Variants in ACOX2 observed in about 807,000 individuals in gnomAD.
ACOX2 encodes peroxisomal acyl-coenzyme A oxidase 2.
In ACOX2, 59 loss-of-function variants were observed where a neutral mutation model predicts 77.5. The ratio of observed to expected loss-of-function variants is 0.76; its 90% CI spans 0.62 to 0.95. The LOEUF is 0.95. ACOX2 is among the 40% of genes least tolerant of loss of function. The pLI is 0.00. For synonymous variants in ACOX2, 317 were observed against 340.1 expected (o/e 0.93, Z 0.75); for missense variants, 837 against 880.4 (o/e 0.95, Z 0.62).
At chr3:58,508,872 T>C in intron 14 of ACOX2, 21 bp downstream of exon 14, 1 of 1,612,894 alleles carries the variant, frequency 6.2e-7, no homozygotes, top group African/African-American at 1.3e-5. Flanking sequence ...ACATAATTTA[T>C]AATGTGTTCC....
In ACOX2 at chr3:58,528,883, C is replaced by T; in HGVS notation, c.1066G>A (p.Ala356Thr). The T allele has an allele frequency of 6.2e-7, 1 of 1,613,752 alleles. No homozygotes were observed. The highest frequency in any genetic ancestry group is 1.7e-5 in the Admixed American group (1 of 59,960). Residue 356 changes from alanine (A) to threonine (T), a missense_variant, in exon 9 of 15, where the codon GCC (alanine) becomes ACC (threonine). By Grantham distance (58) the Ala-to-Thr change is moderately conservative (BLOSUM62 0). Transcript: ENST00000302819. The surrounding 1 kb of genome is among the most constrained non-coding windows in gnomAD (Gnocchi z 5.6). ...AGGCTGACTGCCAGGAAATGGAAGG[C>T]ATAACTGATGGCCAGCTGAGGAAAG... ...KLFPQLAISY[A>T]FHFLAVSLLE...
intron 12 of ACOX2, 59 bp from the exon 13 acceptor site, chr3:58,517,482 C>G: frequency 2.6e-6 from 4 of 1,532,522 alleles, no homozygotes; most frequent in Non-Finnish European, 2.7e-6. Context: ...AGAAGTCACC[C>G]TGGAAGCATG....
At chr3:58,506,782 ACT>A (rs1299718808) in intron 14 of ACOX2, among the ~76,000 whole-genome samples, 2 of 152,140 alleles carry the variant, frequency 1.3e-5, no homozygotes, top group African/African-American at 2.4e-5. Flanking sequence ...ACAGAGCGAG[ACT>A]CTGTCTCAAA....
chr3:58,518,597 G>A (rs2063338488), intron 12 of ACOX2, among the ~76,000 whole-genome samples: 1 of 152,150 alleles, frequency 6.6e-6, no homozygotes, highest in African/African-American at 2.4e-5. Context: ...GTTCTATAAG[G>A]GAGAGCAAGG....
rs113539352 is a variant in ACOX2, at chr3:58,531,127, C to T, written c.819+124G>A. On this transcript the variant is annotated intron_variant, in intron 7 of 14. Transcript: ENST00000302819. The surrounding 1 kb of genome is among the most constrained non-coding windows in gnomAD (Gnocchi z 5.8). Reference sequence around the variant, plus strand: ...ACCCCAATCTGTGGGATATCAGAGCCTCTCTTGGGGGAGGAGGTTATGTGG... The same window carrying T: ...ACCCCAATCTGTGGGATATCAGAGCTTCTCTTGGGGGAGGAGGTTATGTGG... 7.6e-6 allele frequency: 6 copies of T among 788,474 alleles called. No homozygotes were observed. In the East Asian group the frequency reaches 1.6e-4, roughly 21 times the overall value. 48.8% of individuals were successfully genotyped at this position (788,474 alleles called of 1,614,324 possible). A position where few individuals can be genotyped will look rare whatever the true frequency, so the allele number is the denominator to read the frequency against.
chr3:58,516,579 T>C (rs2063323217), intron 13 of ACOX2, among the ~76,000 whole-genome samples: 1 of 152,248 alleles, frequency 6.6e-6, no homozygotes, highest in Non-Finnish European at 1.5e-5. Flanking sequence ...GGTTCACACC[T>C]GTAATCCCAG....
In ACOX2 at chr3:58,531,687, G is replaced by T; in HGVS notation, c.703+6C>A. The T allele has an allele frequency of 6.2e-7, 1 of 1,613,646 alleles. No homozygotes were observed. Among genetic ancestry groups the T allele is most frequent in the Non-Finnish European group, 8.5e-7 (1 of 1,179,750 alleles). On this transcript the variant is annotated splice_donor_region_variant and intron_variant, in intron 6 of 14. Transcript: ENST00000302819. The surrounding 1 kb of genome is among the most constrained non-coding windows in gnomAD (Gnocchi z 5.8). ...AGGGTTCCTTGAGGGAGCATTATGG[G>T]CTTACCTGGCAGTGGGGTGTGGTCC...
Position 58,512,064 on chromosome 3 carries a change from C to T in ACOX2, c.1851-3039G>A, listed in dbSNP as rs1445002233. On this transcript the variant is annotated intron_variant, in intron 13 of 14. Coordinates refer to ENST00000302819, the MANE Select transcript of ACOX2 (RefSeq NM_003500.4). This position sits in a 1 kb window ranked among gnomAD's most constrained non-coding sequence, Gnocchi z 4.8. ...TCCAAACTTATCCCTCCAGTGTCCC[C>T]TGCTTACCAACATCTGTACTTGGAT... is the stretch of plus-strand genomic sequence containing the variant. Among the ~76,000 whole-genome samples, 1 of 152,178 alleles carries T rather than the reference C, an allele frequency of 6.6e-6. No individual in the cohort carries two copies. Among genetic ancestry groups the T allele is most frequent in the African/African-American group, 2.4e-5 (1 of 41,428 alleles).
Position 58,524,695 on chromosome 3 carries a change from C to G in ACOX2, c.1347-90G>C. 7.2e-7 allele frequency: 1 copy of G among 1,396,832 alleles called. No homozygotes were observed. The highest frequency in any genetic ancestry group is 1.3e-5 in the South Asian group (1 of 75,682). 86.5% of individuals were successfully genotyped at this position (1,396,832 alleles called of 1,614,324 possible). ...ACTCCCAGAGACAGGCAAGCTCATG[C>G]TAGGTTCCAGCCTTCCCGTGGGAGA... On this transcript the variant is annotated intron_variant, in intron 10 of 14. Coordinates refer to ENST00000302819, the MANE Select transcript of ACOX2 (RefSeq NM_003500.4). This position sits in a 1 kb window ranked among gnomAD's most constrained non-coding sequence, Gnocchi z 5.5.
chr3:58,507,073 C>T (rs115080910), intron 14 of ACOX2, among the ~76,000 whole-genome samples: 16 of 152,334 alleles, frequency 1.1e-4, no homozygotes, highest in African/African-American at 3.8e-4. Context: ...TGTAACTTCA[C>T]ATTCCCAAAT....
intron 13 of ACOX2, chr3:58,511,245 G>C (rs552149966): frequency 3.1e-6 from 1 of 320,538 alleles, no homozygotes; most frequent in Non-Finnish European, 6.1e-6. Flanking sequence ...TTCCCCTCAG[G>C]GGTAAAAAGT....
Position 58,505,800 on chromosome 3 carries a change from G to T in ACOX2, c.1984-514C>A, listed in dbSNP as rs1250387106. Among the ~76,000 whole-genome samples, 1 of 150,374 alleles carries T rather than the reference G, an allele frequency of 6.7e-6. No individual in the cohort carries two copies. The highest frequency in any genetic ancestry group is 1.5e-5 in the Non-Finnish European group (1 of 67,606). ...CTCCTCGAACACTGGGCTTTTGACT[G>T]TTTTTTTTTGGAGACAGTATTGCTC... On this transcript the variant is annotated intron_variant, in intron 14 of 14. Transcript: ENST00000302819. The surrounding 1 kb of genome is among the most constrained non-coding windows in gnomAD (Gnocchi z 4.4).
intron 14 of ACOX2, among the ~76,000 whole-genome samples, chr3:58,506,637 A>G (rs1407195699): frequency 6.6e-6 from 1 of 152,100 alleles, no homozygotes; most frequent in East Asian, 1.9e-4. Flanking sequence ...TACTAATACA[A>G]AATACAAAAA....
chr3:58,531,884 C>T lies in ACOX2; in HGVS notation c.584-72G>A. The stretch of plus-strand genomic sequence containing the variant: ...TGCTTTTCCCAACCAACCCAGCCTC[C>T]TGGGGCTGGGGTTTTGGATGGGTAC... On this transcript the variant is annotated intron_variant, in intron 5 of 14. Coordinates refer to ENST00000302819, the MANE Select transcript of ACOX2 (RefSeq NM_003500.4). The surrounding 1 kb of genome is among the most constrained non-coding windows in gnomAD (Gnocchi z 5.8). The T allele has an allele frequency of 6.6e-7, 1 of 1,512,696 alleles. No individual in the cohort carries two copies. The highest frequency in any genetic ancestry group is 2.2e-5 in the Admixed American group (1 of 46,206). The allele number at this position is 1,512,696 out of a possible 1,614,324, so 93.7% of individuals were successfully genotyped here.
chr3:58,506,899 A>G (rs1057001522), intron 14 of ACOX2, among the ~76,000 whole-genome samples: 1 of 152,236 alleles, frequency 6.6e-6, no homozygotes, highest in Non-Finnish European at 1.5e-5. Context: ...ATAGCATTAT[A>G]TCTTAAGAGT....
rs115759336 is a variant in ACOX2 at position 58,512,863 on chromosome 3, C to T, written c.1851-3838G>A. 2.1e-3 allele frequency among the ~76,000 whole-genome samples: 315 copies of T among 152,288 alleles called. 1 individual carries two copies. The highest frequency in any genetic ancestry group is 7.2e-3 in the African/African-American group (298 of 41,562). On this transcript the variant is annotated intron_variant, in intron 13 of 14. Transcript: ENST00000302819. This position sits in a 1 kb window ranked among gnomAD's most constrained non-coding sequence, Gnocchi z 4.8. Reference sequence around the variant, plus strand: ...AACATGCTTTGCAGGTGTGACTGTACGAGCAATAGGCTATACCATTTAGGC... The same window carrying T: ...AACATGCTTTGCAGGTGTGACTGTATGAGCAATAGGCTATACCATTTAGGC...
rs550423773 is a variant in ACOX2, at chr3:58,515,885, C to G, written c.1850+1321G>C. On this transcript the variant is annotated intron_variant, in intron 13 of 14. Transcript: ENST00000302819. The surrounding 1 kb of genome is among the most constrained non-coding windows in gnomAD (Gnocchi z 4.0). ...CTCAACCTCCTGGGATCAATCAATC[C>G]TCCTACCTCAGCCTCCCGAGTAGCT... Among the ~76,000 whole-genome samples, 1 of 152,022 alleles carries G rather than the reference C, an allele frequency of 6.6e-6. No individual in the cohort carries two copies. The highest frequency in any genetic ancestry group is 2.1e-4 in the South Asian group (1 of 4,804).
rs2063312529 is a variant in ACOX2, at chr3:58,515,051, C to T, written c.1850+2155G>A. Among the ~76,000 whole-genome samples, 1 of 151,564 alleles carries T rather than the reference C, an allele frequency of 6.6e-6. No homozygotes were observed. The highest frequency in any genetic ancestry group is 1.5e-5 in the Non-Finnish European group (1 of 67,944). Reference sequence around the variant, plus strand: ...TTTTTTTTTTTTCTTGAGATGGAGTCTCACTCTTGTCGCCAAGGCTGGAGT... The same window carrying T: ...TTTTTTTTTTTTCTTGAGATGGAGTTTCACTCTTGTCGCCAAGGCTGGAGT... On this transcript the variant is annotated intron_variant, in intron 13 of 14. Coordinates refer to ENST00000302819, the MANE Select transcript of ACOX2 (RefSeq NM_003500.4). The surrounding 1 kb of genome is among the most constrained non-coding windows in gnomAD (Gnocchi z 4.0).
In ACOX2 at chr3:58,530,549, C is replaced by A; in HGVS notation, c.909G>T (p.Gly303=). 5 of 1,614,262 alleles carry A rather than the reference C, an allele frequency of 3.1e-6. No individual in the cohort carries two copies. The highest frequency in any genetic ancestry group is 4.2e-6 in the Non-Finnish European group (5 of 1,180,050). The change falls in exon 8 of 15, where the codon GGG becomes GGT. Residue 303 remains glycine, a synonymous_variant. Coordinates refer to ENST00000302819, the MANE Select transcript of ACOX2 (RefSeq NM_003500.4). ...CCTTCTGCAGTATAGGGAGGATCTC[C>A]CCTGACAGCAGCTCCACCCGCACCA... ...MVVVRVELLS[G]EILPILQKAC... is the part of the protein sequence containing the mutation.
Sources: allele counts gnomAD v4.1 joint callset (sites outside exome capture counted in the v4.1 genomes callset), GRCh38; gene constraint gnomAD v4.1.1; non-coding constraint Gnocchi (gnomAD v3.1); transcripts MANE v1.5; gene names NCBI Gene and HGNC (gene_info 2026-07-23, HGNC 2026-07-21).